The following KCNQ1 variants were observed in gnomAD, a reference collection of about 807,000 sequenced individuals.
KCNQ1 encodes the protein potassium voltage-gated channel subfamily KQT member 1.
In KCNQ1, 49 loss-of-function variants were observed where a neutral mutation model predicts 72.4. That is an observed-to-expected ratio of 0.68 (90% CI 0.54 to 0.86). The LOEUF is 0.86. Ranked by LOEUF, KCNQ1 falls within the 40% of genes least tolerant of loss-of-function variation. KCNQ1 has a pLI of 0.00. For missense variants in KCNQ1, 790 were observed against 945.1 expected (o/e 0.84, Z 2.15); for synonymous variants, 450 against 412.6 (o/e 1.09, Z -1.10).
At chr11:2,552,516 C>A (rs1166701281) in intron 2 of KCNQ1, among the ~76,000 whole-genome samples, 2 of 152,156 alleles carry the variant, frequency 1.3e-5, no homozygotes, top group African/African-American at 4.8e-5. Context: ...TGTTCATTTT[C>A]AAGAGTGAGC....
rs193134226 is a variant in KCNQ1 at position 2,580,609 on chromosome 11, C to T, written c.922-2826C>T. ...TGGGAGCAGGAGTGCCTGTTAGTGC[C>T]CCCCAGCCACAGAGAGTGCTGCCGT... On this transcript the variant is annotated intron_variant, in intron 6 of 15. Transcript: ENST00000155840. 1.8e-3 allele frequency among the ~76,000 whole-genome samples: 278 copies of T among 152,290 alleles called. 2 individuals are homozygous for T. The highest frequency in any genetic ancestry group is 6.0e-3 in the African/African-American group (250 of 41,572).
chr11:2,593,204 G>A lies in KCNQ1; in HGVS notation c.1393+4350G>A, dbSNP rs143698799. On this transcript the variant is annotated intron_variant, in intron 10 of 15. Transcript: ENST00000155840. This position sits in a 1 kb window ranked among gnomAD's most constrained non-coding sequence, Gnocchi z 6.9. The stretch of plus-strand genomic sequence containing the variant: ...TTTTGTCTTGACAAAGGGACTGGAG[G>A]CAGGTTGTCAGAGTAGGGCTGGCCG... 5.5e-3 allele frequency among the ~76,000 whole-genome samples: 838 copies of A among 152,334 alleles called. 1 individual carries two copies. The highest frequency in any genetic ancestry group is 8.2e-3 in the Non-Finnish European group (556 of 68,028).
At position 2,621,989 on chromosome 11, in the gene KCNQ1, A is replaced by G. The variant is rs192645332; in HGVS notation, c.1393+33135A>G. 4.0e-5 allele frequency: 16 copies of G among 398,180 alleles called. 1 individual carries two copies. In the East Asian group the frequency reaches 5.7e-4, roughly 14 times the overall value. The allele number at this position is 398,180 out of a possible 1,614,324, so 24.7% of individuals were successfully genotyped here. A position where few individuals can be genotyped will look rare whatever the true frequency, so the allele number is the denominator to read the frequency against. Reference sequence around the variant, plus strand: ...TATTTGAAATATCTCTTCTTTTTTAATGTAGGCAAGGCATTTATTGCTGTA... The same window carrying G: ...TATTTGAAATATCTCTTCTTTTTTAGTGTAGGCAAGGCATTTATTGCTGTA... On this transcript the variant is annotated intron_variant, in intron 10 of 15. Coordinates refer to ENST00000155840, the MANE Select transcript of KCNQ1 (RefSeq NM_000218.3). The surrounding 1 kb of genome is among the most constrained non-coding windows in gnomAD (Gnocchi z 5.7).
At position 2,483,504 on chromosome 11, in the gene KCNQ1, TC is replaced by T. The variant is rs1390178055; in HGVS notation, c.386+38024del. Among the ~76,000 whole-genome samples the T allele has an allele frequency of 6.6e-6, 1 of 152,160 alleles. No individual in the cohort carries two copies. The highest frequency in any genetic ancestry group is 1.5e-5 in the Non-Finnish European group (1 of 68,022). ...CTAGCATCCGGTTTCTGTTCTGTGA[TC>T]CCCACGTTGCTTTCAGCTGCCAGGT... On this transcript the variant is annotated intron_variant, in intron 1 of 15. Transcript: ENST00000155840. The surrounding 1 kb of genome is among the most constrained non-coding windows in gnomAD (Gnocchi z 6.1).
intron 15 of KCNQ1, among the ~76,000 whole-genome samples, chr11:2,797,122 C>T (rs906448075): frequency 6.6e-6 from 1 of 152,112 alleles, no homozygotes; most frequent in East Asian, 1.9e-4. Context: ...TACGAGGACT[C>T]GGCCCAGAGC....
chr11:2,512,918 T>A (rs1041774342), intron 1 of KCNQ1, among the ~76,000 whole-genome samples: 1 of 152,294 alleles, frequency 6.6e-6, no homozygotes, highest in Middle Eastern at 3.4e-3. Context: ...GCCCAGGGTC[T>A]TGGGGAGCAG....
intron 6 of KCNQ1, among the ~76,000 whole-genome samples, chr11:2,576,948 G>T (rs1848431842): frequency 6.6e-6 from 1 of 152,224 alleles, no homozygotes; most frequent in Non-Finnish European, 1.5e-5. Flanking sequence ...AGTGGGCCTG[G>T]GGACAGAGGC....
At chr11:2,761,272 TGCCTGTTGGTGCCTGTC>T (rs1846390139) in intron 11 of KCNQ1, among the ~76,000 whole-genome samples, 1 of 110,812 alleles carries the variant, frequency 9.0e-6, no homozygotes, top group African/African-American at 3.2e-5. Context: ...GGCCTGTCGG[TGCCTGTTGGTGCCTGTC>T]GGTGTGCTCC....
At chr11:2,619,339 G>A in intron 10 of KCNQ1, 1 of 398,456 alleles carries the variant, frequency 2.5e-6, no homozygotes, top group Non-Finnish European at 4.4e-6. Context: ...GTTATATTGA[G>A]GAGTGTTCCT....
rs1471095007 is a variant in KCNQ1 at position 2,678,263 on chromosome 11, T to C, written c.1514+16182T>C. ...TTATCTTAAATTCTGAAATAACCTC[T>C]CATCCTGAAATTGTTTTAATAAATT... On this transcript the variant is annotated intron_variant, in intron 11 of 15. Transcript: ENST00000155840. The surrounding 1 kb of genome is among the most constrained non-coding windows in gnomAD (Gnocchi z 4.9). 2 of 398,354 alleles carry C rather than the reference T, an allele frequency of 5.0e-6. No individual in the cohort carries two copies. The highest frequency in any genetic ancestry group is 8.8e-6 in the Non-Finnish European group (2 of 225,992). The allele number at this position is 398,354 out of a possible 1,614,324, so 24.7% of individuals were successfully genotyped here.
intron 15 of KCNQ1, among the ~76,000 whole-genome samples, chr11:2,825,025 G>A (rs1847810742): frequency 6.6e-6 from 1 of 152,248 alleles, no homozygotes; most frequent in Non-Finnish European, 1.5e-5. Context: ...TTGTGGGCCA[G>A]CTCCGAGCTC....
At chr11:2,717,948 A>T (rs186459288) in intron 11 of KCNQ1, among the ~76,000 whole-genome samples, 1 of 152,152 alleles carries the variant, frequency 6.6e-6, no homozygotes, top group Non-Finnish European at 1.5e-5. Context: ...TGGAGTAAAG[A>T]CCACACCTGG....
At position 2,585,233 on chromosome 11, in the gene KCNQ1, G is replaced by A; in HGVS notation, c.1054G>A (p.Ala352Thr). 6.2e-7 allele frequency: 1 copy of A among 1,614,084 alleles called. No homozygotes were observed. Among genetic ancestry groups the A allele is most frequent in the South Asian group, 1.1e-5 (1 of 91,086 alleles). The stretch of plus-strand genomic sequence containing the variant: ...CCAGGGGATTCTTGGCTCGGGGTTT[G>A]CCCTGAAGGTGCAGCAGAAGCAGAG... ...LPAGILGSGF[A>T]LKVQQKQRQK... The change falls in exon 8 of 16, where the codon GCC (alanine) becomes ACC (threonine). Residue 352 changes from alanine (A) to threonine (T), a missense_variant. By Grantham distance (58) the Ala-to-Thr change is moderately conservative (BLOSUM62 0). This residue lies in a region of KCNQ1 where 133 missense variants were observed against 219.5 expected (regional missense o/e 0.61). Transcript: ENST00000155840.
At chr11:2,640,855 A>G (rs1479324615) in intron 10 of KCNQ1, 2 of 399,380 alleles carry the variant, frequency 5.0e-6, no homozygotes, top group Non-Finnish European at 8.8e-6. Flanking sequence ...AGCCTTTGGT[A>G]TCTATCCTTC....
chr11:2,738,383 G>A (rs1333074522), intron 11 of KCNQ1, among the ~76,000 whole-genome samples: 2 of 152,208 alleles, frequency 1.3e-5, no homozygotes, highest in Non-Finnish European at 2.9e-5. Context: ...AAGGAAAGAG[G>A]CAGAAGATCC....
chr11:2,718,884 C>G (rs756252104), intron 11 of KCNQ1, among the ~76,000 whole-genome samples: 7 of 152,244 alleles, frequency 4.6e-5, no homozygotes, highest in Non-Finnish European at 4.4e-5. Context: ...GCCTTCATGT[C>G]TGCACCCTCC....
rs1172664093 is a variant in KCNQ1, at chr11:2,691,981, T to G, written c.1514+29900T>G. ...AGTGCCTTTCTCTATGCAAACCATT[T>G]CCCTAAGCTGTTCCCTCAGCACCAA... On this transcript the variant is annotated intron_variant, in intron 11 of 15. Transcript: ENST00000155840. This position sits in a 1 kb window ranked among gnomAD's most constrained non-coding sequence, Gnocchi z 6.4. The G allele has an allele frequency of 5.0e-6, 2 of 398,434 alleles. No homozygotes were observed. Among genetic ancestry groups the G allele is most frequent in the Non-Finnish European group, 8.8e-6 (2 of 226,072 alleles). 24.7% of individuals were successfully genotyped at this position (398,434 alleles called of 1,614,324 possible).
At chr11:2,681,747 C>T (rs1590028828) in intron 11 of KCNQ1, 1 of 398,352 alleles carries the variant, frequency 2.5e-6, no homozygotes, top group Non-Finnish European at 4.4e-6. Context: ...GATCACACAC[C>T]AGGGCACTGT....
chr11:2,615,436 A>C (rs753045419), intron 10 of KCNQ1: 5 of 397,840 alleles, frequency 1.3e-5, no homozygotes. Context: ...CTTTCAGTAC[A>C]TTGTTCAATA....
Sources: allele counts gnomAD v4.1 joint callset (sites outside exome capture counted in the v4.1 genomes callset), GRCh38; gene constraint gnomAD v4.1.1; regional missense constraint gnomAD v4.1.1; non-coding constraint Gnocchi (gnomAD v3.1); transcripts MANE v1.5; gene names NCBI Gene and HGNC (gene_info 2026-07-23, HGNC 2026-07-21).